The following TRIB1 variants were observed in gnomAD, a reference collection of about 807,000 sequenced individuals.
TRIB1 encodes tribbles homolog 1.
In TRIB1, 12 loss-of-function variants were observed where a neutral mutation model predicts 27.8. That is an observed-to-expected ratio of 0.43 (90% CI 0.28 to 0.70). The LOEUF is 0.70. Among genes scored for constraint, TRIB1 ranks in the 30% least tolerant of loss-of-function variants. The pLI is 0.18. For synonymous variants in TRIB1, 230 were observed against 224.9 expected, an observed-to-expected ratio of 1.02 and a Z score of -0.20; for missense variants, 475 against 515.8, an observed-to-expected ratio of 0.92 and a Z score of 0.77.
Position 125,430,950 on chromosome 8 carries a change from C to T in TRIB1, c.48C>T (p.Pro16=). 4.1e-6 allele frequency: 6 copies of T among 1,472,094 alleles called. No homozygotes were observed. The highest frequency in any genetic ancestry group is 5.4e-6 in the Non-Finnish European group (6 of 1,119,556). The allele number at this position is 1,472,094 out of a possible 1,614,324, so 91.2% of individuals were successfully genotyped here. ...VRSAMSGASQ[P]RGPALLFPAT... ...CTGCCATGAGCGGCGCCTCGCAGCC[C>T]CGCGGCCCGGCCCTGCTCTTCCCAG... Residue 16 remains proline, a synonymous_variant, in exon 1 of 3, where the codon CCC becomes CCT. Transcript: ENST00000311922.
chr8:125,432,193 G>C (rs1814667799), intron 1 of TRIB1: 2 of 967,692 alleles, frequency 2.1e-6, no homozygotes, highest in African/African-American at 1.8e-5. Flanking sequence ...CCCGTCCCGG[G>C]GCTCGCTGCT....
At position 125,431,132 on chromosome 8, in the gene TRIB1, G is replaced by T; in HGVS notation, c.230G>T (p.Gly77Val). ...CCGCAGCCCCCGCCTGCCGCTCCGG[G>T]GGCCGGCGGAGGCTCCGGGAGCGCG... ...CSPQPPPAAP[G>V]AGGGSGSAPG... The change falls in exon 1 of 3, where the codon GGG (glycine) becomes GTG (valine). Residue 77 changes from glycine to valine, a missense_variant. Physicochemically the swap from Gly to Val is moderately radical, Grantham distance 109. Transcript: ENST00000311922. 7.6e-7 allele frequency: 1 copy of T among 1,318,154 alleles called. No homozygotes were observed. The highest frequency in any genetic ancestry group is 9.6e-7 in the Non-Finnish European group (1 of 1,041,704). 81.7% of individuals were successfully genotyped at this position (1,318,154 alleles called of 1,614,324 possible).
rs1586846321 is a variant in TRIB1, at chr8:125,430,379, C to T, written c.-524C>T. On this transcript the variant is annotated 5_prime_UTR_variant, in exon 1 of 3. Coordinates refer to ENST00000311922, the MANE Select transcript of TRIB1 (RefSeq NM_025195.4). ...GCTCACACTCACTCACAGTCACTCT[C>T]TCTGAGCGCGTCTCGCTCGCTCTCA... The T allele has an allele frequency of 1.3e-5, 2 of 152,840 alleles. No individual in the cohort carries two copies. Among genetic ancestry groups the T allele is most frequent in the Admixed American group, 1.3e-4 (2 of 15,286 alleles). The allele number at this position is 152,840 out of a possible 1,614,324, so 9.5% of individuals were successfully genotyped here.
chr8:125,431,856 G>T (rs962405402), intron 1 of TRIB1, among the ~76,000 whole-genome samples: 13 of 152,214 alleles, frequency 8.5e-5, no homozygotes, highest in African/African-American at 3.1e-4. Flanking sequence ...GAATCTGCTC[G>T]GAGTAGAAAT....
chr8:125,435,791 C>G (rs144784930), intron 2 of TRIB1, among the ~76,000 whole-genome samples: 28 of 152,340 alleles, frequency 1.8e-4, no homozygotes, highest in Middle Eastern at 3.4e-3. Flanking sequence ...CCACCCCAGG[C>G]GCTCTGCCGA....
Position 125,430,678 on chromosome 8 carries a change from A to C in TRIB1, c.-225A>C. 2.1e-6 allele frequency: 1 copy of C among 477,436 alleles called. No individual in the cohort carries two copies. 29.6% of individuals were successfully genotyped at this position (477,436 alleles called of 1,614,324 possible). On this transcript the variant is annotated 5_prime_UTR_variant, in exon 1 of 3. Coordinates refer to ENST00000311922, the MANE Select transcript of TRIB1 (RefSeq NM_025195.4). Reference sequence around the variant, plus strand: ...TTGCCTGCGGGGGTCCGGGGACTCGAGCCGGCCTCCGCCTCCCGGACGCAC... The same window carrying C: ...TTGCCTGCGGGGGTCCGGGGACTCGCGCCGGCCTCCGCCTCCCGGACGCAC...
In TRIB1 at chr8:125,430,891, GC is replaced by G. The variant is rs1307596963; in HGVS notation, c.-9del. The G allele has an allele frequency of 7.1e-7, 1 of 1,416,648 alleles. No homozygotes were observed. The highest frequency in any genetic ancestry group is 1.5e-5 in the South Asian group (1 of 67,594). The allele number at this position is 1,416,648 out of a possible 1,614,324, so 87.8% of individuals were successfully genotyped here. A position where few individuals can be genotyped will look rare whatever the true frequency, so the allele number is the denominator to read the frequency against. ...GACTTAAAAAGCCGGGGCCACCCCG[GC>G]CCAGGACGGGATGCGGGTCGGTCCG... On this transcript the variant is annotated 5_prime_UTR_variant, in exon 1 of 3. Transcript: ENST00000311922.
At chr8:125,435,582 G>A (rs1167605798) in intron 2 of TRIB1, among the ~76,000 whole-genome samples, 1 of 152,148 alleles carries the variant, frequency 6.6e-6, no homozygotes, top group African/African-American at 2.4e-5. Flanking sequence ...GAGGGAAGAT[G>A]GGTTCGTAGG....
rs1472456605 is a variant in TRIB1 at position 125,431,037 on chromosome 8, C to G, written c.135C>G (p.Ala45=). ...LDADDAAAVA[A]KCPRLSECSS... is the part of the protein sequence containing the mutation. ...CCGACGACGCGGCGGCTGTGGCGGCCAAGTGCCCGCGCCTCTCCGAGTGCT... is the reference window on the plus strand; with the variant it reads ...CCGACGACGCGGCGGCTGTGGCGGCGAAGTGCCCGCGCCTCTCCGAGTGCT... The change falls in exon 1 of 3, where the codon GCC becomes GCG. Residue 45 remains alanine (A), a synonymous_variant. Coordinates refer to ENST00000311922, the MANE Select transcript of TRIB1 (RefSeq NM_025195.4). The G allele has an allele frequency of 1.4e-6, 2 of 1,457,994 alleles. No individual in the cohort carries two copies. Among genetic ancestry groups the G allele is most frequent in the Non-Finnish European group, 1.8e-6 (2 of 1,112,902 alleles). 90.3% of individuals were successfully genotyped at this position (1,457,994 alleles called of 1,614,324 possible). A position where few individuals can be genotyped will look rare whatever the true frequency, so the allele number is the denominator to read the frequency against.
Position 125,436,613 on chromosome 8 carries a change from T to C in TRIB1, c.*142T>C. 1 of 749,446 alleles carries C rather than the reference T, an allele frequency of 1.3e-6. No individual in the cohort carries two copies. The highest frequency in any genetic ancestry group is 2.1e-6 in the Non-Finnish European group (1 of 465,942). 46.4% of individuals were successfully genotyped at this position (749,446 alleles called of 1,614,324 possible). A position where few individuals can be genotyped will look rare whatever the true frequency, so the allele number is the denominator to read the frequency against. ...CTGAACTCGGCATGGCGCCTCCTCT[T>C]CTCTGTTGGGATGAGTGACTTTATT... On this transcript the variant is annotated 3_prime_UTR_variant, in exon 3 of 3. Transcript: ENST00000311922.
At position 125,436,771 on chromosome 8, in the gene TRIB1, C is replaced by A; in HGVS notation, c.*300C>A. 1 of 440,620 alleles carries A rather than the reference C, an allele frequency of 2.3e-6. No individual in the cohort carries two copies. Among genetic ancestry groups the A allele is most frequent in the Non-Finnish European group, 4.1e-6 (1 of 243,988 alleles). The allele number at this position is 440,620 out of a possible 1,614,324, so 27.3% of individuals were successfully genotyped here. On this transcript the variant is annotated 3_prime_UTR_variant, in exon 3 of 3. Coordinates refer to ENST00000311922, the MANE Select transcript of TRIB1 (RefSeq NM_025195.4). ...GGGCAGAGTATGGACATCTTACACC[C>A]GGTGGTCAAGTGTGTAATAAACTTG...
chr8:125,431,446 T>C (rs1227684460), intron 1 of TRIB1, among the ~76,000 whole-genome samples, 184 bp downstream of exon 1: 1 of 152,206 alleles, frequency 6.6e-6, no homozygotes, highest in Non-Finnish European at 1.5e-5. Context: ...CATGGAGTGA[T>C]ATAATGGGGG....
rs754492794 is a variant in TRIB1, at chr8:125,433,515, A to G, written c.559A>G (p.Lys187Glu). The G allele has an allele frequency of 6.2e-7, 1 of 1,614,200 alleles. No individual in the cohort carries two copies. The highest frequency in any genetic ancestry group is 8.5e-7 in the Non-Finnish European group (1 of 1,180,026). The change falls in exon 2 of 3, where the codon AAG becomes GAG. Residue 187 changes from lysine (K) to glutamate (E), a missense_variant. Physicochemically the swap from Lys to Glu is moderately conservative, Grantham distance 56. Transcript: ENST00000311922. The surrounding 1 kb of genome is among the most constrained non-coding windows in gnomAD (Gnocchi z 4.4). The stretch of plus-strand genomic sequence containing the variant: ...GGAAGAGGAAGCCGCCCGGCTCTTC[A>G]AGCAGATTGTCTCCGCCGTCGCCCA... ...LREEEAARLF[K>E]QIVSAVAHCH...
At position 125,436,608 on chromosome 8, in the gene TRIB1, C is replaced by A; in HGVS notation, c.*137C>A. On this transcript the variant is annotated 3_prime_UTR_variant, in exon 3 of 3. Coordinates refer to ENST00000311922, the MANE Select transcript of TRIB1 (RefSeq NM_025195.4). ...AGCTGCTGAACTCGGCATGGCGCCT[C>A]CTCTTCTCTGTTGGGATGAGTGACT... 5.2e-6 allele frequency: 4 copies of A among 772,074 alleles called. No individual in the cohort carries two copies. The highest frequency in any genetic ancestry group is 8.3e-6 in the Non-Finnish European group (4 of 484,712). 47.8% of individuals were successfully genotyped at this position (772,074 alleles called of 1,614,324 possible).
chr8:125,432,268 A>G, intron 1 of TRIB1: 5 of 889,160 alleles, frequency 5.6e-6, no homozygotes, highest in Non-Finnish European at 6.4e-6. Context: ...AATAGGGAGG[A>G]AAAAAAAACC....
In TRIB1 at chr8:125,436,444, C is replaced by A. The variant is rs754870885; in HGVS notation, c.1092C>A (p.Asp364Glu). ...SDQIVPEYQE[D>E]SDISSFFC ...AGATTGTTCCAGAGTACCAGGAGGA[C>A]AGTGACATTAGTTCCTTCTTCTGCT... Residue 364 changes from aspartate (D) to glutamate (E), a missense_variant, in exon 3 of 3, where the codon GAC (aspartate) becomes GAA (glutamate). Coordinates refer to ENST00000311922, the MANE Select transcript of TRIB1 (RefSeq NM_025195.4). 5 of 1,613,962 alleles carry A rather than the reference C, an allele frequency of 3.1e-6. No homozygotes were observed. In the South Asian group the frequency reaches 3.3e-5, roughly 11 times the overall value.
In TRIB1 at chr8:125,433,716, T is replaced by C. The variant is rs1814702953; in HGVS notation, c.653+107T>C. The C allele has an allele frequency of 7.5e-7, 1 of 1,332,704 alleles. No homozygotes were observed. Among genetic ancestry groups the C allele is most frequent in the Non-Finnish European group, 1.0e-6 (1 of 981,118 alleles). The allele number at this position is 1,332,704 out of a possible 1,614,324, so 82.6% of individuals were successfully genotyped here. A position where few individuals can be genotyped will look rare whatever the true frequency, so the allele number is the denominator to read the frequency against. ...GGTGCAAAACAAAGTCAAGGGCTCA[T>C]ATGTCCCAGATTTAGTATTTAGAGC... is the stretch of plus-strand genomic sequence containing the variant. On this transcript the variant is annotated intron_variant, in intron 2 of 2. Coordinates refer to ENST00000311922, the MANE Select transcript of TRIB1 (RefSeq NM_025195.4). This position sits in a 1 kb window ranked among gnomAD's most constrained non-coding sequence, Gnocchi z 4.4.
chr8:125,435,215 C>G (rs1441833336), intron 2 of TRIB1, among the ~76,000 whole-genome samples: 2 of 151,956 alleles, frequency 1.3e-5, no homozygotes, highest in African/African-American at 2.4e-5. Flanking sequence ...AGAGACCCCC[C>G]CTGTAGAATA....
At position 125,436,554 on chromosome 8, in the gene TRIB1, C is replaced by G. The variant is rs1563825525; in HGVS notation, c.*83C>G. On this transcript the variant is annotated 3_prime_UTR_variant, in exon 3 of 3. Transcript: ENST00000311922. Reference sequence around the variant, plus strand: ...ATGGACAGGCCCTTTGGCGTGGTACCAACCAGATAATGACTGCATCAGGAT... The same window carrying G: ...ATGGACAGGCCCTTTGGCGTGGTACGAACCAGATAATGACTGCATCAGGAT... 1.3e-5 allele frequency: 17 copies of G among 1,335,676 alleles called. No individual in the cohort carries two copies. Among genetic ancestry groups the G allele is most frequent in the Non-Finnish European group, 1.6e-5 (15 of 961,218 alleles). The allele number at this position is 1,335,676 out of a possible 1,614,324, so 82.7% of individuals were successfully genotyped here.
Sources: gnomAD v4.1 joint callset for allele counts (sites outside exome capture counted in the v4.1 genomes callset) on GRCh38, gnomAD v4.1.1 for gene constraint, Gnocchi (gnomAD v3.1) non-coding constraint, MANE v1.5 for transcripts, NCBI Gene and HGNC (gene_info 2026-07-23, HGNC 2026-07-21) for gene names.